Variants in KAZN observed in about 807,000 individuals in gnomAD.
KAZN encodes kazrin, periplakin interacting protein.
KAZN carries 40 observed loss-of-function variants against 87.4 expected under a neutral mutation model. The ratio of observed to expected loss-of-function variants is 0.46; its 90% CI spans 0.36 to 0.60. KAZN has a LOEUF of 0.60. KAZN is among the 20% of genes least tolerant of loss of function. The pLI is 0.00. For missense variants in KAZN, 898 were observed against 1,073.9 expected (o/e 0.84, Z 2.29); for synonymous variants, 466 against 458.3 (o/e 1.02, Z -0.22).
intron 1 of KAZN, among the ~76,000 whole-genome samples, chr1:14,715,857 C>A (rs1351317832): frequency 6.6e-6 from 1 of 152,156 alleles, no homozygotes; most frequent in Non-Finnish European, 1.5e-5. Flanking sequence ...ACGCAGGCCG[C>A]GGTGGTTGAC....
At chr1:14,096,260 G>A (rs910346933) in intron 1 of KAZN, among the ~76,000 whole-genome samples, 1 of 152,150 alleles carries the variant, frequency 6.6e-6, no homozygotes, top group African/African-American at 2.4e-5. Flanking sequence ...TCAGAGAGAG[G>A]CAGGACATTT....
intron 1 of KAZN, among the ~76,000 whole-genome samples, chr1:14,069,198 GGTAA>G (rs1643142666): frequency 6.6e-6 from 1 of 152,166 alleles, no homozygotes; most frequent in Non-Finnish European, 1.5e-5. Flanking sequence ...GATGGAACCT[GGTAA>G]GTGAGTCTGT....
intron 2 of KAZN, among the ~76,000 whole-genome samples, chr1:14,247,653 G>A (rs924020579): frequency 1.3e-5 from 2 of 152,160 alleles, no homozygotes; most frequent in Non-Finnish European, 2.9e-5. Flanking sequence ...CTTCGTGATC[G>A]ATACGCATCA....
At chr1:14,480,592 ATATAT>A (rs1423434481) in intron 2 of KAZN, among the ~76,000 whole-genome samples, 8 of 146,182 alleles carry the variant, frequency 5.5e-5, no homozygotes, top group Non-Finnish European at 7.5e-5. Context: ...TATTCATATT[ATATAT>A]TATATTTTAT....
Position 14,856,472 on chromosome 1 carries a change from C to T in KAZN, c.227-104212C>T, listed in dbSNP as rs553507667. Among the ~76,000 whole-genome samples the T allele has an allele frequency of 1.4e-4, 21 of 152,260 alleles. No individual in the cohort carries two copies. Among genetic ancestry groups the T allele is most frequent in the Non-Finnish European group, 2.5e-4 (17 of 68,016 alleles). On this transcript the variant is annotated intron_variant, in intron 1 of 14. Transcript: ENST00000376030. The surrounding 1 kb of genome is among the most constrained non-coding windows in gnomAD (Gnocchi z 5.2). ...GGCTGGGAATTAATATATACATAAGCGCATCTGCTCTAAACACTTTTTTCC... is the reference window on the plus strand; with the variant it reads ...GGCTGGGAATTAATATATACATAAGTGCATCTGCTCTAAACACTTTTTTCC...
intron 2 of KAZN, among the ~76,000 whole-genome samples, chr1:14,317,741 A>G (rs1206357462): frequency 6.6e-6 from 1 of 151,950 alleles, no homozygotes; most frequent in African/African-American, 2.4e-5. Flanking sequence ...GGCAAATTTA[A>G]GTGAAACAAC....
At chr1:14,922,146 A>C (rs1658593949) in intron 1 of KAZN, among the ~76,000 whole-genome samples, 1 of 152,220 alleles carries the variant, frequency 6.6e-6, no homozygotes, top group Non-Finnish European at 1.5e-5. Flanking sequence ...TAAGTGTTTA[A>C]TATGCCAAGA....
chr1:14,818,763 G>A (rs545091410), intron 1 of KAZN, among the ~76,000 whole-genome samples: 12 of 152,066 alleles, frequency 7.9e-5, no homozygotes, highest in African/African-American at 1.4e-4. Context: ...GTTGAGAGTC[G>A]AACTGAAGAG....
At chr1:14,556,971 T>A (rs558455543) in intron 2 of KAZN, among the ~76,000 whole-genome samples, 2 of 152,274 alleles carry the variant, frequency 1.3e-5, no homozygotes, top group East Asian at 3.9e-4. Context: ...CTGAAAGAAT[T>A]CATTCTGTGC....
rs570162154 is a variant in KAZN, at chr1:14,735,885, G to A, written c.226+136662G>A. The stretch of plus-strand genomic sequence containing the variant: ...ATTTGTAAGTTTCAGGCTTGAGCTT[G>A]AGGTTGGTGACAATCTCCACCTGTG... On this transcript the variant is annotated intron_variant, in intron 1 of 14. Transcript: ENST00000376030. This position sits in a 1 kb window ranked among gnomAD's most constrained non-coding sequence, Gnocchi z 4.3. Among the ~76,000 whole-genome samples the A allele has an allele frequency of 3.3e-5, 5 of 152,318 alleles. No individual in the cohort carries two copies. Among genetic ancestry groups the A allele is most frequent in the African/African-American group, 1.2e-4 (5 of 41,562 alleles).
Position 15,063,627 on chromosome 1 carries a change from G to T in KAZN, c.1098+5G>T. ...CTGCACAACCCTATTGTACAGGTAG[G>T]TGTGCCCTCCCTGGCCACTTGAACC... On this transcript the variant is annotated splice_donor_5th_base_variant and intron_variant, in intron 7 of 14. Coordinates refer to ENST00000376030, the MANE Select transcript of KAZN (RefSeq NM_201628.3). 3.1e-6 allele frequency: 5 copies of T among 1,612,908 alleles called. No individual in the cohort carries two copies. The highest frequency in any genetic ancestry group is 4.2e-6 in the Non-Finnish European group (5 of 1,178,890).
Position 13,905,894 on chromosome 1 carries a change from C to T in KAZN, c.91+12138C>T, listed in dbSNP as rs147402297. On this transcript the variant is annotated intron_variant, in intron 1 of 16. Transcript: ENST00000636203. Reference sequence around the variant, plus strand: ...TCTCATTGTTCCGCAGGCCAGAAATCCAAAATCAGTATCTCTGGACTGAAA... The same window carrying T: ...TCTCATTGTTCCGCAGGCCAGAAATTCAAAATCAGTATCTCTGGACTGAAA... Among the ~76,000 whole-genome samples the T allele has an allele frequency of 5.7e-3, 864 of 152,264 alleles. 10 individuals carry two copies. The highest frequency in any genetic ancestry group is 0.02 in the African/African-American group (827 of 41,542).
intron 2 of KAZN, among the ~76,000 whole-genome samples, chr1:14,976,820 G>A (rs1266042554): frequency 9.2e-5 from 14 of 152,284 alleles, no homozygotes; most frequent in African/African-American, 2.6e-4. Flanking sequence ...TTGGGAGGCC[G>A]AGGCGAGCAG....
intron 2 of KAZN, among the ~76,000 whole-genome samples, chr1:14,495,235 G>A (rs184782140): frequency 1.3e-4 from 20 of 152,266 alleles, no homozygotes; most frequent in African/African-American, 4.8e-4. Flanking sequence ...TTTCATTGAA[G>A]GTCAATCAAT....
At chr1:15,054,351 C>T (rs964310264) in intron 4 of KAZN, among the ~76,000 whole-genome samples, 6 of 151,922 alleles carry the variant, frequency 3.9e-5, no homozygotes, top group Admixed American at 1.3e-4. Flanking sequence ...CATGAGCCCC[C>T]GGAGCCAATC....
intron 1 of KAZN, among the ~76,000 whole-genome samples, chr1:14,914,897 T>C (rs1657633525): frequency 9.2e-6 from 1 of 108,368 alleles, no homozygotes; most frequent in Non-Finnish European, 2.2e-5. Flanking sequence ...GGGATGAAAA[T>C]GAGCTAATAT....
chr1:14,356,129 G>A (rs1659003612), intron 2 of KAZN, among the ~76,000 whole-genome samples: 1 of 152,108 alleles, frequency 6.6e-6, no homozygotes, highest in Admixed American at 6.5e-5. Context: ...ATTCTAGCTG[G>A]TGTGAGATGG....
chr1:14,530,288 C>G (rs116468921), intron 2 of KAZN, among the ~76,000 whole-genome samples: 3 of 152,206 alleles, frequency 2.0e-5, no homozygotes, highest in Non-Finnish European at 4.4e-5. Flanking sequence ...AGAGCCCGCT[C>G]TAATCCAGGA....
intron 1 of KAZN, among the ~76,000 whole-genome samples, chr1:14,690,673 C>T (rs561083226): frequency 6.6e-6 from 1 of 152,276 alleles, no homozygotes; most frequent in South Asian, 2.1e-4. Context: ...CTTAGCAGGA[C>T]AAGATGCTTT....
Sources: allele counts gnomAD v4.1 joint callset (sites outside exome capture counted in the v4.1 genomes callset), GRCh38; gene constraint gnomAD v4.1.1; non-coding constraint Gnocchi (gnomAD v3.1); transcripts MANE v1.5; gene names NCBI Gene and HGNC (gene_info 2026-07-23, HGNC 2026-07-21).